SLC25A17: variants seen among roughly 807,000 people sequenced by gnomAD.
SLC25A17 encodes the protein peroxisomal membrane protein PMP34.
A neutral mutation model predicts 38.5 loss-of-function variants in SLC25A17; 26 were observed. The observed-to-expected ratio is 0.68, with a 90% CI of 0.50 to 0.94. SLC25A17 has a LOEUF of 0.94. Among genes scored for constraint, SLC25A17 ranks in the 40% least tolerant of loss-of-function variants. The pLI, the probability that SLC25A17 is intolerant of heterozygous loss-of-function variation, is 0.00. For synonymous variants in SLC25A17, 139 were observed against 136.2 expected (o/e 1.02, Z -0.14); for missense variants, 333 against 372.7 (o/e 0.89, Z 0.88).
chr22:40,771,749 T>A (rs374510197), intron 8 of SLC25A17, among the ~76,000 whole-genome samples: 102 of 152,220 alleles, frequency 6.7e-4, no homozygotes, highest in African/African-American at 2.4e-3. Context: ...GGATGGTTAA[T>A]AGGTACAAAA....
intron 1 of SLC25A17, among the ~76,000 whole-genome samples, chr22:40,802,178 T>C (rs751129512): frequency 6.6e-6 from 1 of 152,088 alleles, no homozygotes; most frequent in Non-Finnish European, 1.5e-5. Flanking sequence ...CTTCAAACAC[T>C]GGGCCACCTT....
chr22:40,786,726 C>A (rs1050129333), intron 4 of SLC25A17, among the ~76,000 whole-genome samples: 1 of 152,126 alleles, frequency 6.6e-6, no homozygotes, highest in Non-Finnish European at 1.5e-5. Context: ...CGGATGAGGG[C>A]CGACTGTAGT....
At chr22:40,788,830 T>C (rs1569404600) in intron 4 of SLC25A17, 1 of 237,216 alleles carries the variant, frequency 4.2e-6, no homozygotes, top group East Asian at 1.0e-4. Flanking sequence ...TTATCTTCTT[T>C]GAGTTTCAAA....
intron 1 of SLC25A17, among the ~76,000 whole-genome samples, chr22:40,803,196 C>T (rs983626100): frequency 1.3e-5 from 2 of 152,088 alleles, no homozygotes; most frequent in African/African-American, 4.8e-5. Context: ...TGGGTTCAGG[C>T]GATCCTCCTG....
chr22:40,806,127 C>G (rs904359243), intron 1 of SLC25A17, among the ~76,000 whole-genome samples: 14 of 152,202 alleles, frequency 9.2e-5, no homozygotes, highest in Non-Finnish European at 2.1e-4. Flanking sequence ...GCCAGAAACC[C>G]ATTCCACTTT....
At chr22:40,811,324 C>T (rs914348746) in intron 1 of SLC25A17, among the ~76,000 whole-genome samples, 7 of 151,378 alleles carry the variant, frequency 4.6e-5, no homozygotes, top group African/African-American at 1.7e-4. Context: ...CCCCTGGCCT[C>T]GAGTGATCTA....
chr22:40,815,373 G>T (rs1228049401), intron 1 of SLC25A17, among the ~76,000 whole-genome samples: 1 of 152,158 alleles, frequency 6.6e-6, no homozygotes, highest in Non-Finnish European at 1.5e-5. Flanking sequence ...CACTGAATAT[G>T]TCTATTTTTC....
chr22:40,814,790 T>TATATATA (rs56313372), intron 1 of SLC25A17, among the ~76,000 whole-genome samples: 27 of 118,984 alleles, frequency 2.3e-4, no homozygotes, highest in Non-Finnish European at 2.8e-4. Context: ...TATATATATA[T>TATATATA]TGTTGTTGTT....
intron 4 of SLC25A17, among the ~76,000 whole-genome samples, chr22:40,782,083 G>C (rs573900092): frequency 1.3e-5 from 2 of 152,264 alleles, no homozygotes; most frequent in Non-Finnish European, 2.9e-5. Flanking sequence ...AGCCAGGCAC[G>C]GTGGCGGGCG....
At chr22:40,784,005 A>G (rs1219638393) in intron 4 of SLC25A17, among the ~76,000 whole-genome samples, 1 of 151,882 alleles carries the variant, frequency 6.6e-6, no homozygotes, top group Non-Finnish European at 1.5e-5. Context: ...GCGCCCGGCC[A>G]ATGGTACCTC....
intron 1 of SLC25A17, among the ~76,000 whole-genome samples, chr22:40,815,845 G>A (rs929724521): frequency 1.3e-5 from 2 of 152,028 alleles, no homozygotes; most frequent in Non-Finnish European, 2.9e-5. Context: ...TATGTATGAC[G>A]ATATAATTTC....
chr22:40,784,763 A>T, intron 4 of SLC25A17, among the ~76,000 whole-genome samples: 1 of 145,662 alleles, frequency 6.9e-6, no homozygotes, highest in Admixed American at 7.1e-5. Flanking sequence ...ATGACAGAGC[A>T]AGACCCTATC....
rs1010906414 is a variant in SLC25A17, at chr22:40,769,660, T to A, written c.*1174A>T. 2 of 152,196 alleles carry A rather than the reference T, an allele frequency of 1.3e-5. No individual in the cohort carries two copies. The highest frequency in any genetic ancestry group is 4.8e-5 in the African/African-American group (2 of 41,446). The allele number at this position is 152,196 out of a possible 1,614,324, so 9.4% of individuals were successfully genotyped here. A position where few individuals can be genotyped will look rare whatever the true frequency, so the allele number is the denominator to read the frequency against. ...TTCAGAGGTTGTTTTAATACATTAATCTCTTTCCTTTGAGAAAAATCTTTA... is the reference window on the plus strand; with the variant it reads ...TTCAGAGGTTGTTTTAATACATTAAACTCTTTCCTTTGAGAAAAATCTTTA... On this transcript the variant is annotated 3_prime_UTR_variant, in exon 9 of 9. Coordinates refer to ENST00000435456, the MANE Select transcript of SLC25A17 (RefSeq NM_006358.4).
At chr22:40,771,034 A>G (rs1007285958) in intron 8 of SLC25A17, 53 bp from the exon 9 acceptor site, 3 of 1,448,818 alleles carry the variant, frequency 2.1e-6, no homozygotes, top group Admixed American at 4.2e-5. Flanking sequence ...ATCAGAGAAC[A>G]TGCTACCTAG....
chr22:40,779,206 T>C, intron 4 of SLC25A17, 81 bp from the exon 5 acceptor site: 1 of 1,603,996 alleles, frequency 6.2e-7, no homozygotes, highest in South Asian at 1.1e-5. Flanking sequence ...TACATACCAA[T>C]ATTCCATTTA....
At position 40,777,043 on chromosome 22, in the gene SLC25A17, C is replaced by A. The variant is rs1038568322; in HGVS notation, c.690G>T (p.Leu230=). 5.6e-6 allele frequency: 9 copies of A among 1,613,780 alleles called. No homozygotes were observed. Among genetic ancestry groups the A allele is most frequent in the Non-Finnish European group, 7.6e-6 (9 of 1,179,816 alleles). The change falls in exon 7 of 9, where the codon CTG becomes CTT. Residue 230 remains leucine, a synonymous_variant. Transcript: ENST00000435456. ...TYPLQTVQSI[L]RFGRHRLNPE... is the part of the protein sequence containing the mutation. ...CGAAGAGAACTCCAGCACTCACCCT[C>A]AGAATTGACTGTACCGTCTGCAGGG...
chr22:40,814,652 A>T (rs138325), intron 1 of SLC25A17, among the ~76,000 whole-genome samples: 110,347 of 151,582 alleles, frequency 0.73, 41,717 homozygotes, highest in African/African-American at 0.92. Context: ...CATGACCTTA[A>T]ACCATTCACA....
intron 1 of SLC25A17, among the ~76,000 whole-genome samples, chr22:40,803,820 G>GTTTTTTTT (rs772323398): frequency 1.7e-5 from 2 of 117,450 alleles, no homozygotes. Context: ...GCTAGTTTTT[G>GTTTTTTTT]TTTTTTTTTT....
chr22:40,797,654 T>A (rs1270813653), intron 2 of SLC25A17, among the ~76,000 whole-genome samples: 1 of 152,182 alleles, frequency 6.6e-6, no homozygotes, highest in Non-Finnish European at 1.5e-5. Flanking sequence ...TTAGGAAACA[T>A]GATATCTTCT....
Sources: gnomAD v4.1 joint callset for allele counts (sites outside exome capture counted in the v4.1 genomes callset) on GRCh38, gnomAD v4.1.1 for gene constraint, MANE v1.5 for transcripts, NCBI Gene and HGNC (gene_info 2026-07-23, HGNC 2026-07-21) for gene names.